Variants in TCEANC2 observed in about 807,000 individuals in gnomAD.
TCEANC2 encodes the protein transcription elongation factor A N-terminal and central domain-containing protein 2.
A neutral mutation model predicts 22.8 loss-of-function variants in TCEANC2; 20 were observed. The observed-to-expected ratio is 0.88, with a 90% CI of 0.62 to 1.28. TCEANC2 has a LOEUF of 1.28. Among genes scored for constraint, TCEANC2 ranks in the 50% most tolerant of loss-of-function variants. The probability of loss-of-function intolerance (pLI) is 0.00; values close to 1 mark genes in which losing one functional copy is unlikely to be tolerated. For missense variants in TCEANC2, 251 were observed against 249.7 expected (o/e 1.01, Z -0.03); for synonymous variants, 84 against 95.5 (o/e 0.88, Z 0.70).
At chr1:54,080,268 C>T (rs368784910) in intron 3 of TCEANC2, among the ~76,000 whole-genome samples, 11 of 151,874 alleles carry the variant, frequency 7.2e-5, no homozygotes, top group Admixed American at 2.6e-4. Context: ...CTCAGCCTCC[C>T]GATTAGCTGG....
chr1:54,070,956 G>C (rs1658044552), intron 3 of TCEANC2, among the ~76,000 whole-genome samples: 1 of 152,190 alleles, frequency 6.6e-6, no homozygotes, highest in South Asian at 2.1e-4. Flanking sequence ...ATGACTATAT[G>C]TGTTAGGAGT....
At chr1:54,069,077 T>TA (rs1335924692) in intron 3 of TCEANC2, among the ~76,000 whole-genome samples, 180 bp downstream of exon 3, 3 of 152,076 alleles carry the variant, frequency 2.0e-5, no homozygotes, top group East Asian at 3.9e-4. Context: ...GGTAATATAT[T>TA]AAAAAAATTA....
Position 54,097,078 on chromosome 1 carries a change from T to C in TCEANC2, c.*605T>C. The stretch of plus-strand genomic sequence containing the variant: ...AGAGCCCCCATGCTGAGGCTACTAA[T>C]GAGGAACTGGCCCGAAGCCTCCCAC... On this transcript the variant is annotated 3_prime_UTR_variant, in exon 5 of 5. Transcript: ENST00000234827. 1.3e-6 allele frequency: 1 copy of C among 799,436 alleles called. No homozygotes were observed. Among genetic ancestry groups the C allele is most frequent in the Non-Finnish European group, 1.5e-6 (1 of 659,742 alleles). 49.5% of individuals were successfully genotyped at this position (799,436 alleles called of 1,614,324 possible).
chr1:54,068,277 T>C (rs1164380808), intron 2 of TCEANC2, among the ~76,000 whole-genome samples: 1 of 152,202 alleles, frequency 6.6e-6, no homozygotes, highest in Admixed American at 6.5e-5. Flanking sequence ...TTCTATGTGT[T>C]TGAAGTTTTA....
chr1:54,078,811 A>G (rs544322780), intron 3 of TCEANC2, among the ~76,000 whole-genome samples: 2 of 152,288 alleles, frequency 1.3e-5, no homozygotes, highest in African/African-American at 4.8e-5. Flanking sequence ...AGTGGGAGGA[A>G]GAAGAGGAGC....
chr1:54,076,200 G>A (rs563441007), intron 3 of TCEANC2, among the ~76,000 whole-genome samples: 1 of 152,202 alleles, frequency 6.6e-6, no homozygotes, highest in East Asian at 1.9e-4. Context: ...CGTTACCCAG[G>A]TATTAAACCT....
chr1:54,081,003 C>T (rs1161514874), intron 3 of TCEANC2, among the ~76,000 whole-genome samples: 1 of 152,136 alleles, frequency 6.6e-6, no homozygotes, highest in African/African-American at 2.4e-5. Flanking sequence ...TATCTGATCA[C>T]CAGAGGGAAT....
At chr1:54,054,170 C>A in intron 1 of TCEANC2, 1 of 1,258,552 alleles carries the variant, frequency 7.9e-7, no homozygotes, top group Non-Finnish European at 1.1e-6. Flanking sequence ...AGCTAGGAAC[C>A]TCCTAACTCA....
At chr1:54,088,539 G>C (rs1658380837) in intron 3 of TCEANC2, 58 bp from the exon 4 acceptor site, 1 of 1,441,230 alleles carries the variant, frequency 6.9e-7, no homozygotes, top group Non-Finnish European at 9.4e-7. Flanking sequence ...ATCTAGTCCT[G>C]CGCTTCTCAG....
chr1:54,068,958 C>A, intron 3 of TCEANC2, 61 bp downstream of exon 3: 1 of 1,406,280 alleles, frequency 7.1e-7, no homozygotes, highest in South Asian at 1.8e-5. Flanking sequence ...CTTCTTCTTT[C>A]CTTCCTCTCT....
At chr1:54,065,821 G>C (rs555627167) in intron 2 of TCEANC2, among the ~76,000 whole-genome samples, 8 of 152,236 alleles carry the variant, frequency 5.3e-5, no homozygotes, top group Admixed American at 5.2e-4. Context: ...GCTCACACTT[G>C]TAATCCATGT....
chr1:54,056,317 C>CTTTTTTT (rs59118907), intron 2 of TCEANC2, among the ~76,000 whole-genome samples: 2 of 148,798 alleles, frequency 1.3e-5, no homozygotes, highest in African/African-American at 5.1e-5. Context: ...CTTTTCTTTT[C>CTTTTTTT]TTTTTTTTTG....
intron 2 of TCEANC2, among the ~76,000 whole-genome samples, chr1:54,065,318 A>G (rs951004640): frequency 1.3e-5 from 2 of 152,220 alleles, no homozygotes; most frequent in Non-Finnish European, 2.9e-5. Context: ...TATGAAAGAG[A>G]AAAGTACATA....
chr1:54,063,050 A>G (rs1657887885), intron 2 of TCEANC2, among the ~76,000 whole-genome samples: 1 of 152,228 alleles, frequency 6.6e-6, no homozygotes, highest in Admixed American at 6.5e-5. Flanking sequence ...AGAGGAAAGC[A>G]AAATCAGAGC....
chr1:54,084,886 C>A (rs543155591), intron 3 of TCEANC2, among the ~76,000 whole-genome samples: 2 of 152,244 alleles, frequency 1.3e-5, no homozygotes, highest in African/African-American at 4.8e-5. Context: ...ATCTTGCTTG[C>A]TGAATGAATA....
In TCEANC2 at chr1:54,096,422, G is replaced by A; in HGVS notation, c.576G>A (p.Val192=). 6.2e-7 allele frequency: 1 copy of A among 1,613,174 alleles called. No individual in the cohort carries two copies. The change falls in exon 5 of 5, where the codon GTG becomes GTA. Residue 192 remains valine, a synonymous_variant. Transcript: ENST00000234827. The surrounding 1 kb of genome is among the most constrained non-coding windows in gnomAD (Gnocchi z 4.9). ...LKHRAEIRAQ[V]KSGSLPVGTF... ...ACCGAGCTGAAATCCGGGCTCAGGT[G>A]AAGAGCGGCTCGCTGCCAGTCGGCA... is the stretch of plus-strand genomic sequence containing the variant.
downstream of TCEANC2, among the ~76,000 whole-genome samples, chr1:54,109,033 C>A (rs113231253): frequency 6.4e-3 from 969 of 152,182 alleles, 12 homozygotes; most frequent in African/African-American, 0.022. Context: ...GGTGACAGGT[C>A]CCAGGCCGCA....
intron 3 of TCEANC2, among the ~76,000 whole-genome samples, chr1:54,074,245 C>T (rs756188201): frequency 7.3e-5 from 11 of 151,324 alleles, no homozygotes; most frequent in Admixed American, 4.0e-4. Context: ...GGGTGGATCA[C>T]GAGGTCAGGA....
At chr1:54,081,790 C>G (rs1401363160) in intron 3 of TCEANC2, among the ~76,000 whole-genome samples, 1 of 152,168 alleles carries the variant, frequency 6.6e-6, no homozygotes, top group Non-Finnish European at 1.5e-5. Context: ...ACAGAACACT[C>G]CTGACCAGTC....
Sources: allele counts gnomAD v4.1 joint callset (sites outside exome capture counted in the v4.1 genomes callset), GRCh38; gene constraint gnomAD v4.1.1; non-coding constraint Gnocchi (gnomAD v3.1); transcripts MANE v1.5; gene names NCBI Gene and HGNC (gene_info 2026-07-23, HGNC 2026-07-21).